The following ACTN2 variants were observed in gnomAD, a reference collection of about 807,000 sequenced individuals.
ACTN2 encodes the protein actinin alpha 2, also known as alpha-actinin-2.
Under a neutral mutation model 113.8 loss-of-function variants are expected in ACTN2, and 39 were observed. That is an observed-to-expected ratio of 0.34 (90% CI 0.27 to 0.45). The LOEUF is 0.45. Ranked by LOEUF, ACTN2 falls within the 20% of genes least tolerant of loss-of-function variation. The pLI, the probability that ACTN2 is intolerant of heterozygous loss-of-function variation, is 1.00. For synonymous variants in ACTN2, 429 were observed against 444.1 expected, an observed-to-expected ratio of 0.97 and a Z score of 0.43; for missense variants, 992 against 1,177.9, an observed-to-expected ratio of 0.84 and a Z score of 2.31.
chr1:236,690,098 T>A (rs1408106231), intron 1 of ACTN2, among the ~76,000 whole-genome samples: 2 of 152,254 alleles, frequency 1.3e-5, no homozygotes, highest in East Asian at 3.8e-4. Context: ...CAGATTCTTC[T>A]GTACTCTTCA....
At position 236,754,098 on chromosome 1, in the gene ACTN2, C is replaced by T. The variant is rs1488879036; in HGVS notation, c.1974+17C>T. ...AAGATGGAGGTAAGCCAGCGCCCTC[C>T]CAGGCGCTGTTCACAAGCCTTGCGA... On this transcript the variant is annotated intron_variant, in intron 16 of 20. Coordinates refer to ENST00000366578, the MANE Select transcript of ACTN2 (RefSeq NM_001103.4). This position sits in a 1 kb window ranked among gnomAD's most constrained non-coding sequence, Gnocchi z 4.9. 6.2e-7 allele frequency: 1 copy of T among 1,613,200 alleles called. No individual in the cohort carries two copies. Among genetic ancestry groups the T allele is most frequent in the Middle Eastern group, 1.7e-4 (1 of 6,032 alleles).
chr1:236,702,035 G>C (rs1206064028), intron 1 of ACTN2, among the ~76,000 whole-genome samples: 3 of 152,140 alleles, frequency 2.0e-5, no homozygotes, highest in Non-Finnish European at 2.9e-5. Flanking sequence ...GGACTCTAAA[G>C]GATTTCTATT....
At chr1:236,723,474 G>A (rs950617013) in intron 4 of ACTN2, among the ~76,000 whole-genome samples, 2 of 152,026 alleles carry the variant, frequency 1.3e-5, no homozygotes, top group Non-Finnish European at 2.9e-5. Flanking sequence ...GTTTTGTTTT[G>A]TTTTGTTTGA....
chr1:236,742,502 A>G (rs895616697), intron 10 of ACTN2, among the ~76,000 whole-genome samples: 4 of 152,182 alleles, frequency 2.6e-5, no homozygotes, highest in African/African-American at 7.2e-5. Context: ...CCCAAGAGTT[A>G]GAGAACAGCA....
Position 236,702,846 on chromosome 1 carries a change from A to G in ACTN2, c.127-15012A>G, listed in dbSNP as rs572907770. 9.2e-5 allele frequency among the ~76,000 whole-genome samples: 14 copies of G among 152,324 alleles called. No homozygotes were observed. The South Asian group carries it at 2.9e-3, about 32-fold the overall frequency. On this transcript the variant is annotated intron_variant, in intron 1 of 20. Coordinates refer to ENST00000366578, the MANE Select transcript of ACTN2 (RefSeq NM_001103.4). ...GGTCTGGGACAGCAATGCAGAGAAT[A>G]TGGTGTATTACAGAGAGCTGTTTCA...
chr1:236,688,864 T>C (rs569486089), intron 1 of ACTN2, among the ~76,000 whole-genome samples: 89 of 152,300 alleles, frequency 5.8e-4, no homozygotes, highest in African/African-American at 1.9e-3. Context: ...TTGTTTCTAT[T>C]GTGGGCTGCC....
chr1:236,755,751 G>A (rs540941736), intron 17 of ACTN2, among the ~76,000 whole-genome samples: 23 of 66,662 alleles, frequency 3.5e-4, no homozygotes, highest in African/African-American at 1.1e-3. Context: ...AGTGCCCGCT[G>A]CCACTGTTAG....
At chr1:236,687,982 A>C (rs1665936063) in intron 1 of ACTN2, among the ~76,000 whole-genome samples, 1 of 152,190 alleles carries the variant, frequency 6.6e-6, no homozygotes, top group South Asian at 2.1e-4. Flanking sequence ...CGAGTTTCTT[A>C]AGGCTTTTAC....
chr1:236,717,642 A>C (rs1223702033), intron 1 of ACTN2, among the ~76,000 whole-genome samples: 1 of 152,238 alleles, frequency 6.6e-6, no homozygotes, highest in Non-Finnish European at 1.5e-5. Context: ...TGGAATATCC[A>C]ATAAGAGAGT....
Position 236,749,137 on chromosome 1 carries a change from T to G in ACTN2, c.1529T>G (p.Leu510Trp). Residue 510 changes from leucine to tryptophan, a missense_variant, in exon 14 of 21, where the codon TTG becomes TGG. Coordinates refer to ENST00000366578, the MANE Select transcript of ACTN2 (RefSeq NM_001103.4). Reference sequence around the variant, plus strand: ...TTTATTCTTTAGAGAATGGAGAAATTGCTAGAAACCATTGATCAGCTTCAC... The same window carrying G: ...TTTATTCTTTAGAGAATGGAGAAATGGCTAGAAACCATTGATCAGCTTCAC... ...RREALERMEKLLETIDQLHLE... is the reference protein window; with the variant it reads ...RREALERMEKWLETIDQLHLE... 1 of 1,614,164 alleles carries G rather than the reference T, an allele frequency of 6.2e-7. No homozygotes were observed. The highest frequency in any genetic ancestry group is 1.1e-5 in the South Asian group (1 of 91,086).
intron 18 of ACTN2, among the ~76,000 whole-genome samples, chr1:236,759,085 G>C (rs981954795): frequency 2.6e-5 from 4 of 152,210 alleles, no homozygotes; most frequent in East Asian, 3.8e-4. Flanking sequence ...CTTCTGATCA[G>C]AGAGCTAGGC....
chr1:236,751,516 C>A lies in ACTN2; in HGVS notation c.1703C>A (p.Ala568Glu). 6.2e-7 allele frequency: 1 copy of A among 1,614,102 alleles called. No individual in the cohort carries two copies. Among genetic ancestry groups the A allele is most frequent in the Non-Finnish European group, 8.5e-7 (1 of 1,180,006 alleles). ...CAGTTCAAGGCCACGCTGCCCGAGG[C>A]GGACGGAGAGCGGCAGTCCATCATG... ...HEQFKATLPE[A>E]DGERQSIMAI... is the part of the protein sequence containing the mutation. Residue 568 changes from alanine to glutamate, a missense_variant, in exon 15 of 21, where the codon GCG becomes GAG. Physicochemically the swap from Ala to Glu is moderately radical, Grantham distance 107. Coordinates refer to ENST00000366578, the MANE Select transcript of ACTN2 (RefSeq NM_001103.4).
At chr1:236,715,963 A>T (rs1658193311) in intron 1 of ACTN2, among the ~76,000 whole-genome samples, 1 of 152,172 alleles carries the variant, frequency 6.6e-6, no homozygotes, top group Non-Finnish European at 1.5e-5. Flanking sequence ...AAATAAAAAT[A>T]AAAAATAAAA....
chr1:236,687,424 CTG>C (rs952504305), intron 1 of ACTN2, among the ~76,000 whole-genome samples: 3 of 152,182 alleles, frequency 2.0e-5, no homozygotes, highest in Non-Finnish European at 2.9e-5. Flanking sequence ...TTGGCGTTCT[CTG>C]GGGGCCCAGT....
At chr1:236,688,952 G>T (rs1665970890) in intron 1 of ACTN2, among the ~76,000 whole-genome samples, 1 of 152,166 alleles carries the variant, frequency 6.6e-6, no homozygotes. Flanking sequence ...GATGACGTCC[G>T]TGGCGTTATA....
In ACTN2 at chr1:236,751,586, C is replaced by G. The variant is rs771302220; in HGVS notation, c.1773C>G (p.Ile591Met). The G allele has an allele frequency of 2.4e-5, 39 of 1,613,966 alleles. No individual in the cohort carries two copies. In the Admixed American group the frequency reaches 6.3e-4, roughly 26 times the overall value. The stretch of plus-strand genomic sequence containing the variant: ...AGAAGGTGATTCAGAGCTACAACAT[C>G]AGAATCAGCTCAAGCAACCCGTACA... Reference protein sequence around the residue: ...EVEKVIQSYNIRISSSNPYST... With the variant: ...EVEKVIQSYNMRISSSNPYST... The change falls in exon 15 of 21, where the codon ATC (isoleucine) becomes ATG (methionine). Residue 591 changes from isoleucine (I) to methionine (M), a missense_variant. Physicochemically the swap from Ile to Met is conservative, Grantham distance 10. Coordinates refer to ENST00000366578, the MANE Select transcript of ACTN2 (RefSeq NM_001103.4).
chr1:236,734,584 GT>G, intron 7 of ACTN2: 1 of 1,252,172 alleles, frequency 8.0e-7, no homozygotes, highest in South Asian at 1.4e-5. Flanking sequence ...TTTTTCAATT[GT>G]TTTCCTCTTT....
intron 1 of ACTN2, among the ~76,000 whole-genome samples, chr1:236,712,755 G>A (rs1658066912): frequency 6.6e-6 from 1 of 152,118 alleles, no homozygotes; most frequent in Admixed American, 6.6e-5. Flanking sequence ...GCAGCTTTTA[G>A]GGATATATCC....
At chr1:236,702,242 G>C (rs1014889643) in intron 1 of ACTN2, among the ~76,000 whole-genome samples, 4 of 152,120 alleles carry the variant, frequency 2.6e-5, no homozygotes, top group African/African-American at 7.2e-5. Context: ...TTAGGAATAT[G>C]GACGATTAAT....
Sources: gnomAD v4.1 joint callset for allele counts (sites outside exome capture counted in the v4.1 genomes callset) on GRCh38, gnomAD v4.1.1 for gene constraint, Gnocchi (gnomAD v3.1) non-coding constraint, MANE v1.5 for transcripts, NCBI Gene and HGNC (gene_info 2026-07-23, HGNC 2026-07-21) for gene names.